NTM: variants seen among roughly 807,000 people sequenced by gnomAD.
NTM encodes neurotrimin, also known as IgLON family member 2.
Under a neutral mutation model 42.1 loss-of-function variants are expected in NTM, and 13 were observed. The ratio of observed to expected loss-of-function variants is 0.31; its 90% CI spans 0.20 to 0.49. The LOEUF (loss-of-function observed/expected upper bound fraction) is 0.49, where lower values mean the gene tolerates loss of function less well. Among genes scored for constraint, NTM ranks in the 20% least tolerant of loss-of-function variants. The probability of loss-of-function intolerance (pLI) is 0.99; values close to 1 mark genes in which losing one functional copy is unlikely to be tolerated. For missense variants in NTM, 373 were observed against 452.8 expected (o/e 0.82, Z 1.60); for synonymous variants, 187 against 179.2 (o/e 1.04, Z -0.35).
intron 1 of NTM, among the ~76,000 whole-genome samples, chr11:131,464,910 C>A (rs1951748482): frequency 6.6e-6 from 1 of 152,186 alleles, no homozygotes; most frequent in Non-Finnish European, 1.5e-5. Flanking sequence ...ACAAGACCCC[C>A]TGTTTTCATT....
intron 1 of NTM, among the ~76,000 whole-genome samples, chr11:131,718,106 C>T (rs2077915742): frequency 6.6e-6 from 1 of 152,200 alleles, no homozygotes; most frequent in Admixed American, 6.5e-5. Context: ...ATTCAATTTA[C>T]TAACAGTATG....
intron 1 of NTM, among the ~76,000 whole-genome samples, chr11:131,642,318 G>A (rs770926933): frequency 1.1e-4 from 17 of 152,186 alleles, no homozygotes; most frequent in African/African-American, 3.9e-4. Flanking sequence ...AGTTGAGTCA[G>A]TACTTCATTC....
intron 1 of NTM, among the ~76,000 whole-genome samples, chr11:131,784,933 C>A (rs745562265): frequency 1.3e-5 from 2 of 151,880 alleles, no homozygotes; most frequent in Non-Finnish European, 2.9e-5. Context: ...GTCAAAGACC[C>A]CACGTAAGCA....
At chr11:132,194,045 C>T (rs2079753761) in intron 3 of NTM, among the ~76,000 whole-genome samples, 1 of 151,932 alleles carries the variant, frequency 6.6e-6, no homozygotes, top group Non-Finnish European at 1.5e-5. Flanking sequence ...GTACAAAGAG[C>T]TAATACCAGT....
intron 1 of NTM, among the ~76,000 whole-genome samples, chr11:131,522,440 A>G (rs1156952353): frequency 1.3e-5 from 2 of 152,064 alleles, no homozygotes; most frequent in East Asian, 3.9e-4. Context: ...GTCTGCTGAG[A>G]TCTTTACTGA....
chr11:131,482,889 G>A lies in NTM; in HGVS notation c.82+112001G>A, dbSNP rs186613046. On this transcript the variant is annotated intron_variant, in intron 1 of 8. Coordinates refer to ENST00000683400, the MANE Select transcript of NTM (RefSeq NM_001352005.2). ...TGGGTGTGATTTGTGTGGGGGAGTC[G>A]AGCATGGGTCCTGGGAAAAAGGAAG... Among the ~76,000 whole-genome samples, 33 of 152,294 alleles carry A rather than the reference G, an allele frequency of 2.2e-4. 1 individual carries two copies. In the East Asian group the frequency reaches 6.0e-3, roughly 28 times the overall value.
At chr11:132,245,461 GGC>G (rs2090976259) in intron 4 of NTM, among the ~76,000 whole-genome samples, 1 of 152,142 alleles carries the variant, frequency 6.6e-6, no homozygotes, top group Non-Finnish European at 1.5e-5. Flanking sequence ...GCACCGGGGA[GGC>G]TGGTTGTCAG....
chr11:131,384,563 AAG>A (rs10564193), intron 1 of NTM, among the ~76,000 whole-genome samples: 126,246 of 150,972 alleles, frequency 0.84, 52,841 homozygotes, highest in South Asian at 0.86. Flanking sequence ...TTCTAATTTA[AAG>A]AGAGAGAGAG....
intron 1 of NTM, among the ~76,000 whole-genome samples, chr11:131,900,830 T>C (rs112889157): frequency 1.3e-4 from 20 of 152,340 alleles, no homozygotes; most frequent in African/African-American, 4.3e-4. Context: ...TATGGAACAA[T>C]TTTGAGTAAA....
intron 1 of NTM, among the ~76,000 whole-genome samples, chr11:131,601,568 C>A (rs1421100232): frequency 6.6e-6 from 1 of 151,830 alleles, no homozygotes; most frequent in South Asian, 2.1e-4. Context: ...ATGCTCCCAC[C>A]TCAAACCCCC....
intron 2 of NTM, among the ~76,000 whole-genome samples, chr11:131,973,742 G>T (rs1014728801): frequency 6.6e-6 from 1 of 152,192 alleles, no homozygotes; most frequent in South Asian, 2.1e-4. Flanking sequence ...GCTTGAACCC[G>T]GGAGGCAGAG....
Position 131,601,844 on chromosome 11 carries a change from CAT to C in NTM, c.82+230957_82+230958del, listed in dbSNP as rs111597957. Among the ~76,000 whole-genome samples, 216 of 152,290 alleles carry C rather than the reference CAT, an allele frequency of 1.4e-3. 4 individuals carry two copies. Among genetic ancestry groups the C allele is most frequent in the African/African-American group, 5.0e-3 (207 of 41,552 alleles). On this transcript the variant is annotated intron_variant, in intron 1 of 8. Transcript: ENST00000683400. ...CAACAAACATTTACTGAGAACTGCA[CAT>C]GTGTTGCATTTATTCTAGAATACTG...
chr11:131,816,755 A>T (rs1159557825), intron 1 of NTM, among the ~76,000 whole-genome samples: 1 of 152,132 alleles, frequency 6.6e-6, no homozygotes, highest in Non-Finnish European at 1.5e-5. Flanking sequence ...AGCCCTATTC[A>T]GAGCTAAATT....
At chr11:131,596,851 C>T (rs57615898) in intron 1 of NTM, among the ~76,000 whole-genome samples, 6,985 of 152,222 alleles carry the variant, frequency 0.046, 522 homozygotes, top group African/African-American at 0.16. Flanking sequence ...TTAACTCACA[C>T]GATCACAAGG....
rs770099833 is a variant in NTM, at chr11:131,592,879, A to G, written c.82+221991A>G. Among the ~76,000 whole-genome samples the G allele has an allele frequency of 5.9e-5, 9 of 152,148 alleles. 1 individual carries two copies. In the South Asian group the frequency reaches 6.2e-4, roughly 11 times the overall value. On this transcript the variant is annotated intron_variant, in intron 1 of 8. Coordinates refer to ENST00000683400, the MANE Select transcript of NTM (RefSeq NM_001352005.2). The stretch of plus-strand genomic sequence containing the variant: ...CAGAGCAGATGTGCAGCAGCCTGCC[A>G]TCATCTCTGATGCTGCCCTTCCCTG...
chr11:132,128,710 C>A (rs2066276452), intron 2 of NTM, among the ~76,000 whole-genome samples: 1 of 151,184 alleles, frequency 6.6e-6, no homozygotes, highest in African/African-American at 2.4e-5. Flanking sequence ...GTCAGGAGAT[C>A]AAGACCATCC....
intron 1 of NTM, among the ~76,000 whole-genome samples, chr11:131,625,305 A>G (rs1450608367): frequency 6.6e-6 from 1 of 152,190 alleles, no homozygotes; most frequent in Non-Finnish European, 1.5e-5. Context: ...GATGGTCTTT[A>G]TGGACCCCTC....
intron 1 of NTM, among the ~76,000 whole-genome samples, chr11:131,620,745 C>A (rs977306525): frequency 6.6e-6 from 1 of 152,200 alleles, no homozygotes; most frequent in African/African-American, 2.4e-5. Flanking sequence ...CCTGCACTGT[C>A]CTTCTTCATA....
At chr11:131,836,927 G>T (rs1160576426) in intron 1 of NTM, among the ~76,000 whole-genome samples, 7 of 152,180 alleles carry the variant, frequency 4.6e-5, no homozygotes, top group African/African-American at 1.7e-4. Flanking sequence ...CAAATCCATT[G>T]TGTGATTAGT....
Sources: allele counts gnomAD v4.1 joint callset (sites outside exome capture counted in the v4.1 genomes callset), GRCh38; gene constraint gnomAD v4.1.1; transcripts MANE v1.5; gene names NCBI Gene and HGNC (gene_info 2026-07-23, HGNC 2026-07-21).